The following ANKLE2 variants were observed in gnomAD, a reference collection of about 807,000 sequenced individuals.
ANKLE2 encodes the protein ankyrin repeat and LEM domain containing 2, also known as ankyrin repeat and LEM domain-containing protein 2.
ANKLE2 carries 55 observed loss-of-function variants against 84.2 expected under a neutral mutation model. The observed-to-expected ratio is 0.65, with a 90% CI of 0.53 to 0.82. The LOEUF is 0.82. Ranked by LOEUF, ANKLE2 falls within the 40% of genes least tolerant of loss-of-function variation. ANKLE2 has a pLI of 0.00. For missense variants in ANKLE2, 1,238 were observed against 1,201.9 expected, an observed-to-expected ratio of 1.03 and a Z score of -0.44; for synonymous variants, 551 against 486.1, an observed-to-expected ratio of 1.13 and a Z score of -1.76.
At position 132,750,716 on chromosome 12, in the gene ANKLE2, A is replaced by G; in HGVS notation, c.774T>C (p.Pro258=). 6.2e-7 allele frequency: 1 copy of G among 1,614,254 alleles called. No homozygotes were observed. Residue 258 remains proline, a synonymous_variant, in exon 3 of 13, where the codon CCT becomes CCC. Transcript: ENST00000357997. ...KFARGICDYF[P]SPSKTSLPLS... ...GTGGTAAGGACGTTTTGCTTGGAGA[A>G]GGGAAATAATCACAAATTCCTCTAG...
rs922853733 is a variant in ANKLE2, at chr12:132,727,373, T to G, written c.2686A>C (p.Ser896Arg). ...LPDLSGPHSY[S>R]PGRNSVAGSN... ...CCAGCCACGCTGTTTCTCCCCGGAC[T>G]GTAGCTGTGAGGGCCACTGAGATCT... The change falls in exon 13 of 13, where the codon AGT (serine) becomes CGT (arginine). Residue 896 changes from serine (S) to arginine (R), a missense_variant. Physicochemically the swap from Ser to Arg is moderately radical, Grantham distance 110. Around this residue, in one of 3 missense-constraint regions of ANKLE2, gnomAD observed 802 missense variants for 774.5 expected, o/e 1.04. Coordinates refer to ENST00000357997, the MANE Select transcript of ANKLE2 (RefSeq NM_015114.3). 1.3e-6 allele frequency: 2 copies of G among 1,561,616 alleles called. No homozygotes were observed. Among genetic ancestry groups the G allele is most frequent in the Non-Finnish European group, 1.7e-6 (2 of 1,153,040 alleles).
At chr12:132,741,610 A>G in intron 6 of ANKLE2, 125 bp from the exon 7 acceptor site, 1 of 936,532 alleles carries the variant, frequency 1.1e-6, no homozygotes. Context: ...TAAAGATTTA[A>G]TAAAGCTCAC....
chr12:132,730,656 C>G (rs1209725022), intron 10 of ANKLE2: 1 of 213,798 alleles, frequency 4.7e-6, no homozygotes, highest in Non-Finnish European at 9.5e-6. Context: ...ACCCCGTTCT[C>G]TATAGAAAAA....
At position 132,737,309 on chromosome 12, in the gene ANKLE2, CAAGAA is replaced by C. The variant is rs1179228385; in HGVS notation, c.1421-249_1421-245del. 5 of 427,022 alleles carry C rather than the reference CAAGAA, an allele frequency of 1.2e-5. No individual in the cohort carries two copies. The South Asian group carries it at 1.6e-4, about 13-fold the overall frequency. The allele number at this position is 427,022 out of a possible 1,614,324, so 26.5% of individuals were successfully genotyped here. On this transcript the variant is annotated intron_variant, in intron 7 of 12. Transcript: ENST00000357997. ...CCAGCCTCATTTTCCTCCACTGCTA[CAAGAA>C]AAGAAAGAAAAGAAAAGGAAGCCCC...
At chr12:132,751,815 T>C (rs1041086947) in intron 2 of ANKLE2, among the ~76,000 whole-genome samples, 3 of 151,832 alleles carry the variant, frequency 2.0e-5, no homozygotes, top group African/African-American at 7.3e-5. Context: ...AGTGCTGGGA[T>C]TACAGGCATG....
At chr12:132,753,438 G>A (rs1486331578) in intron 2 of ANKLE2, among the ~76,000 whole-genome samples, 1 of 151,826 alleles carries the variant, frequency 6.6e-6, no homozygotes, top group Admixed American at 6.6e-5. Context: ...CGAGAGAAGC[G>A]TGGGCAACGT....
intron 3 of ANKLE2, chr12:132,749,173 GGGGA>G (rs2044304524): frequency 6.6e-6 from 1 of 151,650 alleles, no homozygotes; most frequent in Admixed American, 6.6e-5. Context: ...TTTTTTTGGG[GGGGA>G]CGCAGTTTTG....
intron 5 of ANKLE2, chr12:132,745,789 A>G (rs183964632): frequency 0.024 from 3,883 of 164,110 alleles, 78 homozygotes; most frequent in Non-Finnish European, 0.031. Flanking sequence ...CAGAGCACAC[A>G]CACACACCCT....
Position 132,755,090 on chromosome 12 carries a change from C to A in ANKLE2, c.225G>T (p.Leu75=). 6.2e-7 allele frequency: 1 copy of A among 1,612,224 alleles called. No homozygotes were observed. The highest frequency in any genetic ancestry group is 1.1e-5 in the South Asian group (1 of 91,002). The change falls in exon 2 of 13, where the codon CTG becomes CTT. Residue 75 remains leucine, a synonymous_variant. Coordinates refer to ENST00000357997, the MANE Select transcript of ANKLE2 (RefSeq NM_015114.3). ...MDALLARLKL[L]NPDDLREEIV... is the part of the protein sequence containing the mutation. ...TTTCTTCTCTAAGGTCATCTGGATT[C>A]AGAAGTTTCAATCGAGCCAACAGAG...
rs556116362 is a variant in ANKLE2 at position 132,754,664 on chromosome 12, G to C, written c.640+11C>G. ...ATCTGTGTGAGGAAATCCTACACAC[G>C]GTCCCATTACCATTTCTCGCTGGGA... On this transcript the variant is annotated intron_variant, in intron 2 of 12. Transcript: ENST00000357997. 4 of 1,585,702 alleles carry C rather than the reference G, an allele frequency of 2.5e-6. No individual in the cohort carries two copies. Among genetic ancestry groups the C allele is most frequent in the Admixed American group, 1.8e-5 (1 of 56,450 alleles).
chr12:132,735,520 G>GA lies in ANKLE2; in HGVS notation c.1594-9dup, dbSNP rs761013203. 3.2e-4 allele frequency: 510 copies of GA among 1,583,796 alleles called. No individual in the cohort carries two copies. The highest frequency in any genetic ancestry group is 1.1e-3 in the African/African-American group (81 of 72,992). On this transcript the variant is annotated splice_polypyrimidine_tract_variant and intron_variant, in intron 8 of 12. Coordinates refer to ENST00000357997, the MANE Select transcript of ANKLE2 (RefSeq NM_015114.3). ...CTTGCGAAAATCTTCTGCCTATGAAGAAAAAAAAATGTATTGAGCCGTGTC... is the reference window on the plus strand; with the variant it reads ...CTTGCGAAAATCTTCTGCCTATGAAGAAAAAAAAAATGTATTGAGCCGTGTC...
intron 10 of ANKLE2, among the ~76,000 whole-genome samples, chr12:132,733,081 ACG>A (rs2043922136): frequency 7.0e-6 from 1 of 142,776 alleles, no homozygotes; most frequent in African/African-American, 2.7e-5. Flanking sequence ...GGTGTCTGAT[ACG>A]CACCGTGTGA....
chr12:132,744,056 G>A (rs141504519), intron 5 of ANKLE2, among the ~76,000 whole-genome samples: 133 of 152,276 alleles, frequency 8.7e-4, no homozygotes, highest in African/African-American at 2.9e-3. Flanking sequence ...ATGACGCTGC[G>A]TCACGCCCTC....
At chr12:132,754,611 C>T (rs12322148) in intron 2 of ANKLE2, 64 bp downstream of exon 2, 10 of 1,461,072 alleles carry the variant, frequency 6.8e-6, no homozygotes, top group East Asian at 2.3e-5. Context: ...CATTTTCAGA[C>T]GTCATCCCGC....
intron 2 of ANKLE2, among the ~76,000 whole-genome samples, chr12:132,753,198 G>A (rs1292792619): frequency 1.3e-5 from 2 of 151,760 alleles, no homozygotes. Context: ...TGATCCCAGC[G>A]ATCCCAAGCT....
chr12:132,748,694 G>A (rs2044291747), intron 3 of ANKLE2, among the ~76,000 whole-genome samples: 2 of 152,108 alleles, frequency 1.3e-5, no homozygotes, highest in African/African-American at 4.8e-5. Context: ...GGCCAAGTTT[G>A]GTGAACTTTG....
Position 132,755,053 on chromosome 12 carries a change from C to T in ANKLE2, c.262G>A (p.Gly88Arg), listed in dbSNP as rs377454442. The change falls in exon 2 of 13, where the codon GGA becomes AGA. Residue 88 changes from glycine to arginine, a missense_variant. Around this residue, in one of 3 missense-constraint regions of ANKLE2, gnomAD observed 422 missense variants for 394.5 expected, o/e 1.07. Coordinates refer to ENST00000357997, the MANE Select transcript of ANKLE2 (RefSeq NM_015114.3). ...GATGTAATGGGTCCACATTTCAATCCGGCTTTGACGATTTCTTCTCTAAGG... is the reference window on the plus strand; with the variant it reads ...GATGTAATGGGTCCACATTTCAATCTGGCTTTGACGATTTCTTCTCTAAGG... ...DDLREEIVKA[G>R]LKCGPITSTT... 60 of 1,613,926 alleles carry T rather than the reference C, an allele frequency of 3.7e-5. No homozygotes were observed. Among genetic ancestry groups the T allele is most frequent in the African/African-American group, 9.3e-5 (7 of 74,912 alleles).
At chr12:132,745,913 A>G (rs1164335501) in intron 5 of ANKLE2, among the ~76,000 whole-genome samples, 1 of 152,270 alleles carries the variant, frequency 6.6e-6, no homozygotes, top group East Asian at 1.9e-4. Flanking sequence ...CCGCATCCAC[A>G]TGAATTTCAA....
chr12:132,727,800 G>A (rs1485152468), intron 12 of ANKLE2, among the ~76,000 whole-genome samples: 1 of 152,028 alleles, frequency 6.6e-6, no homozygotes, highest in African/African-American at 2.4e-5. Flanking sequence ...AAACCCTGCT[G>A]CTTCCACCCT....
Sources: allele counts gnomAD v4.1 joint callset (sites outside exome capture counted in the v4.1 genomes callset), GRCh38; gene constraint gnomAD v4.1.1; regional missense constraint gnomAD v4.1.1; transcripts MANE v1.5; gene names NCBI Gene and HGNC (gene_info 2026-07-23, HGNC 2026-07-21).